Variants in MYCBP2 observed in about 807,000 individuals in gnomAD.
MYCBP2 encodes the protein MYC binding protein 2.
Under a neutral mutation model 525.3 loss-of-function variants are expected in MYCBP2, and 120 were observed. The observed-to-expected ratio is 0.23, with a 90% confidence interval of 0.20 to 0.27. The LOEUF (loss-of-function observed/expected upper bound fraction) is 0.27, where lower values mean the gene tolerates loss of function less well. Among genes scored for constraint, MYCBP2 ranks in the 10% least tolerant of loss-of-function variants. MYCBP2 has a pLI of 1.00. For synonymous variants in MYCBP2, 1,894 were observed against 1,955.8 expected (o/e 0.97, Z 0.83); for missense variants, 4,149 against 5,657.1 (o/e 0.73, Z 8.55).
intron 1 of MYCBP2, among the ~76,000 whole-genome samples, chr13:77,324,246 C>T (rs1489219775): frequency 1.3e-5 from 2 of 152,204 alleles, no homozygotes; most frequent in African/African-American, 2.4e-5. Flanking sequence ...GCTACTGTTT[C>T]ATGATTTTCT....
chr13:77,146,040 CA>C (rs2055488379), intron 48 of MYCBP2, 121 bp downstream of exon 48: 1 of 588,628 alleles, frequency 1.7e-6, no homozygotes, highest in Admixed American at 3.2e-5. Flanking sequence ...TCTCTATCGG[CA>C]ACCTAGAAAA....
chr13:77,262,400 A>C (rs559752559), intron 10 of MYCBP2, among the ~76,000 whole-genome samples: 12 of 152,092 alleles, frequency 7.9e-5, no homozygotes, highest in African/African-American at 2.9e-4. Context: ...ATTCAATGTC[A>C]GCAATATTCC....
At position 77,185,959 on chromosome 13, in the gene MYCBP2, T is replaced by A; in HGVS notation, c.4356A>T (p.Thr1452=). ...AGCGCAGTCTCTCTAAATCTAGGAGTGTAGCTGTGAACTGGAATCCTTTTA... is the reference window on the plus strand; with the variant it reads ...AGCGCAGTCTCTCTAAATCTAGGAGAGTAGCTGTGAACTGGAATCCTTTTA... ...RGLKGFQFTA[T]LLDLERLRFV... is the part of the protein sequence containing the mutation. The change falls in exon 31 of 83, where the codon ACA becomes ACT. Residue 1452 remains threonine (T), a synonymous_variant. Transcript: ENST00000544440. 6.2e-7 allele frequency: 1 copy of A among 1,613,620 alleles called. No individual in the cohort carries two copies. Among genetic ancestry groups the A allele is most frequent in the Non-Finnish European group, 8.5e-7 (1 of 1,179,782 alleles).
intron 4 of MYCBP2, among the ~76,000 whole-genome samples, chr13:77,275,247 G>A (rs536429361): frequency 6.6e-6 from 1 of 152,292 alleles, no homozygotes; most frequent in African/African-American, 2.4e-5. Flanking sequence ...TTCATGTAAT[G>A]AAATAGAGAA....
rs370118596 is a variant in MYCBP2, at chr13:77,273,683, G to T, written c.749-15C>A. On this transcript the variant is annotated splice_polypyrimidine_tract_variant and intron_variant, in intron 4 of 82. Coordinates refer to ENST00000544440, the MANE Select transcript of MYCBP2 (RefSeq NM_015057.5). ...GAAGAGAGACTCTGTGGATAAAATA[G>T]AATTCAATTATATTCATCCAACATA... is the stretch of plus-strand genomic sequence containing the variant. 5 of 1,461,030 alleles carry T rather than the reference G, an allele frequency of 3.4e-6. No homozygotes were observed. The African/African-American group carries it at 7.1e-5, about 21-fold the overall frequency. The allele number at this position is 1,461,030 out of a possible 1,614,324, so 90.5% of individuals were successfully genotyped here. A position where few individuals can be genotyped will look rare whatever the true frequency, so the allele number is the denominator to read the frequency against.
At chr13:77,053,754 C>T (rs1233529032) in intron 80 of MYCBP2, among the ~76,000 whole-genome samples, 1 of 152,200 alleles carries the variant, frequency 6.6e-6, no homozygotes, top group African/African-American at 2.4e-5. Flanking sequence ...TGGCTATCAT[C>T]TCTCTACTTA....
intron 3 of MYCBP2, among the ~76,000 whole-genome samples, chr13:77,287,488 A>G (rs911910176): frequency 2.0e-5 from 3 of 152,146 alleles, no homozygotes; most frequent in African/African-American, 7.2e-5. Flanking sequence ...CGCCCGGCCT[A>G]CAATACATGC....
intron 5 of MYCBP2, among the ~76,000 whole-genome samples, chr13:77,272,776 A>G (rs569441090): frequency 6.6e-6 from 1 of 152,308 alleles, no homozygotes; most frequent in Admixed American, 6.5e-5. Flanking sequence ...TCCTTTTGCT[A>G]TCTTTGGTCT....
intron 55 of MYCBP2, among the ~76,000 whole-genome samples, chr13:77,118,697 C>T (rs911611415): frequency 3.3e-5 from 5 of 151,144 alleles, no homozygotes; most frequent in Non-Finnish European, 4.4e-5. Context: ...TTAATGGAAG[C>T]GCCCCACCAA....
intron 7 of MYCBP2, 148 bp downstream of exon 7, chr13:77,269,844 A>T: frequency 1.5e-6 from 1 of 663,838 alleles, no homozygotes; most frequent in Non-Finnish European, 2.5e-6. Context: ...AGTGTTCTTT[A>T]CGCTACACTA....
chr13:77,105,600 T>A (rs959243976), intron 55 of MYCBP2, among the ~76,000 whole-genome samples: 2 of 151,950 alleles, frequency 1.3e-5, no homozygotes, highest in African/African-American at 4.8e-5. Context: ...TGAGATACAT[T>A]GATATCTATA....
intron 76 of MYCBP2, 66 bp from the exon 77 acceptor site, chr13:77,059,692 A>C: frequency 8.2e-7 from 1 of 1,218,382 alleles, no homozygotes; most frequent in South Asian, 1.2e-5. Context: ...AACAGAACTA[A>C]ATTTTAAAAA....
At chr13:77,165,811 GAA>G (rs985074891) in intron 41 of MYCBP2, among the ~76,000 whole-genome samples, 1 of 152,132 alleles carries the variant, frequency 6.6e-6, no homozygotes, top group East Asian at 1.9e-4. Context: ...GTGGAAAGAA[GAA>G]GTTTCTGAAA....
Position 77,140,950 on chromosome 13 carries a change from G to GA in MYCBP2, c.7304-8dup. 1.3e-6 allele frequency: 2 copies of GA among 1,583,498 alleles called. No homozygotes were observed. Among genetic ancestry groups the GA allele is most frequent in the East Asian group, 2.2e-5 (1 of 44,464 alleles). The stretch of plus-strand genomic sequence containing the variant: ...TTTACTTCCAGACCAGCATCTGTCA[G>GA]AAAAATCAGAGAACTGTAACATTTG... On this transcript the variant is annotated splice_region_variant and splice_polypyrimidine_tract_variant and intron_variant, in intron 49 of 82. Coordinates refer to ENST00000544440, the MANE Select transcript of MYCBP2 (RefSeq NM_015057.5).
Position 77,081,924 on chromosome 13 carries a change from A to G in MYCBP2, c.11106T>C (p.Ile3702=), listed in dbSNP as rs993956834. 1.2e-6 allele frequency: 2 copies of G among 1,613,700 alleles called. No homozygotes were observed. The highest frequency in any genetic ancestry group is 1.7e-6 in the Non-Finnish European group (2 of 1,179,748). The change falls in exon 64 of 83, where the codon ATT becomes ATC. Residue 3702 remains isoleucine (I), a synonymous_variant. Coordinates refer to ENST00000544440, the MANE Select transcript of MYCBP2 (RefSeq NM_015057.5). This position sits in a 1 kb window ranked among gnomAD's most constrained non-coding sequence, Gnocchi z 4.6. ...FLHQSNVFHH[I]NNILSKSDDG... is the part of the protein sequence containing the mutation. ...CATCTGACTTTGACAAAATATTGTT[A>G]ATGTGATGAAAGACGTTGCTCTGAT...
At chr13:77,288,498 A>G in intron 2 of MYCBP2, 122 bp from the exon 3 acceptor site, 1 of 849,818 alleles carries the variant, frequency 1.2e-6, no homozygotes, top group Non-Finnish European at 1.8e-6. Flanking sequence ...GTGACACAGC[A>G]GAGACAGTCT....
Position 77,177,736 on chromosome 13 carries a change from G to T in MYCBP2, c.5340+12C>A. The T allele has an allele frequency of 1.9e-6, 3 of 1,598,766 alleles. No homozygotes were observed. Among genetic ancestry groups the T allele is most frequent in the Non-Finnish European group, 2.6e-6 (3 of 1,166,168 alleles). Reference sequence around the variant, plus strand: ...CACTAATCAGGATAAATACTAAAAGGGTGATACTTACATCATCAACCAACA... The same window carrying T: ...CACTAATCAGGATAAATACTAAAAGTGTGATACTTACATCATCAACCAACA... On this transcript the variant is annotated intron_variant, in intron 35 of 82. Transcript: ENST00000544440.
At position 77,094,704 on chromosome 13, in the gene MYCBP2, A is replaced by T. The variant is rs553378644; in HGVS notation, c.10199+654T>A. Among the ~76,000 whole-genome samples, 9 of 152,118 alleles carry T rather than the reference A, an allele frequency of 5.9e-5. No homozygotes were observed. In the East Asian group the frequency reaches 1.7e-3, roughly 30 times the overall value. On this transcript the variant is annotated intron_variant, in intron 58 of 82. Transcript: ENST00000544440. ...TTTCTTCCTGTCGCTTGCCTGACAGATTTCTATTTATCCTTTGAGACTCTA... is the reference window on the plus strand; with the variant it reads ...TTTCTTCCTGTCGCTTGCCTGACAGTTTTCTATTTATCCTTTGAGACTCTA...
chr13:77,162,484 G>A (rs1475713305), intron 43 of MYCBP2, among the ~76,000 whole-genome samples: 1 of 152,004 alleles, frequency 6.6e-6, no homozygotes, highest in African/African-American at 2.4e-5. Flanking sequence ...AGTAATACTT[G>A]TTCAATGGGA....
Sources: allele counts gnomAD v4.1 joint callset (sites outside exome capture counted in the v4.1 genomes callset), GRCh38; gene constraint gnomAD v4.1.1; non-coding constraint Gnocchi (gnomAD v3.1); transcripts MANE v1.5; gene names NCBI Gene and HGNC (gene_info 2026-07-23, HGNC 2026-07-21).